The following LRRC37A3 variants were observed in gnomAD, a reference collection of about 807,000 sequenced individuals.
LRRC37A3 encodes the protein leucine-rich repeat-containing protein 37A3.
In LRRC37A3, 25 loss-of-function variants were observed where a neutral mutation model predicts 106.2. That is an observed-to-expected ratio of 0.24 (90% confidence interval 0.17 to 0.33). The LOEUF (loss-of-function observed/expected upper bound fraction) is 0.33, where lower values mean the gene tolerates loss of function less well. Ranked by LOEUF, LRRC37A3 falls within the 10% of genes least tolerant of loss-of-function variation. The pLI is 1.00. For synonymous variants in LRRC37A3, 305 were observed against 635.8 expected, an observed-to-expected ratio of 0.48 and a Z score of 7.83; for missense variants, 712 against 1,644.9, an observed-to-expected ratio of 0.43 and a Z score of 9.81.
chr17:64,877,481 C>T (rs1973552992), intron 8 of LRRC37A3, among the ~76,000 whole-genome samples: 2 of 152,148 alleles, frequency 1.3e-5, no homozygotes, highest in South Asian at 4.1e-4. Flanking sequence ...GGATTACAGG[C>T]ATGAGCCACT....
intron 14 of LRRC37A3, among the ~76,000 whole-genome samples, chr17:64,855,018 G>A (rs963582824): frequency 3.3e-5 from 5 of 152,142 alleles, no homozygotes; most frequent in African/African-American, 1.2e-4. Context: ...AGTATTTTTA[G>A]TAGAGATGGG....
At chr17:64,856,179 T>TC (rs1031305054) in intron 13 of LRRC37A3, among the ~76,000 whole-genome samples, 14 of 151,976 alleles carry the variant, frequency 9.2e-5, no homozygotes, top group African/African-American at 3.1e-4. Context: ...CCAACACGCA[T>TC]CCCCCCTATA....
At position 64,860,527 on chromosome 17, in the gene LRRC37A3, C is replaced by T. The variant is rs114569935; in HGVS notation, c.3619G>A (p.Gly1207Arg). The T allele has an allele frequency of 1.2e-3, 1,966 of 1,612,818 alleles. 30 individuals are homozygous for T. In the African/African-American group the frequency reaches 0.022, roughly 18 times the overall value. ...TTCAGCTCCCTTGGGGCTGGACTTC[C>T]GAGCCTTTTTTCTTCGGCAGTGTTC... ...VENTAEEKRL[G>R]SPAPRELKQP... The change falls in exon 12 of 15, where the codon GGA becomes AGA. Residue 1207 changes from glycine to arginine, a missense_variant. Coordinates refer to ENST00000584306, the MANE Select transcript of LRRC37A3 (RefSeq NM_199340.5).
At position 64,859,461 on chromosome 17, in the gene LRRC37A3, T is replaced by C. The variant is rs1972793579; in HGVS notation, c.4685A>G (p.Gln1562Arg). 1 of 1,608,934 alleles carries C rather than the reference T, an allele frequency of 6.2e-7. No individual in the cohort carries two copies. The highest frequency in any genetic ancestry group is 2.2e-5 in the East Asian group (1 of 44,826). Residue 1562 changes from glutamine (Q) to arginine (R), a missense_variant, in exon 12 of 15, where the codon CAG becomes CGG. Transcript: ENST00000584306. Reference sequence around the variant, plus strand: ...CCTCACCTCAAGCGACTTCTCTTTCTGTTCACTCTGGGCTTCTGTGCTCTC... The same window carrying C: ...CCTCACCTCAAGCGACTTCTCTTTCCGTTCACTCTGGGCTTCTGTGCTCTC... The part of the protein sequence containing the change: ...INESTEAQSE[Q>R]KEKSLEFTKE...
Position 64,871,946 on chromosome 17 carries a change from A to G in LRRC37A3, c.2907-2780T>C, listed in dbSNP as rs1973329191. Among the ~76,000 whole-genome samples, 3 of 152,142 alleles carry G rather than the reference A, an allele frequency of 2.0e-5. No homozygotes were observed. The South Asian group carries it at 6.2e-4, about 32-fold the overall frequency. On this transcript the variant is annotated intron_variant, in intron 8 of 14. Transcript: ENST00000584306. ...CAGGGGATCGAGACCATCCTGGCTA[A>G]CAAGGCGAAACCCCGTCTGTACTAA...
intron 8 of LRRC37A3, 94 bp from the exon 9 acceptor site, chr17:64,869,260 G>T: frequency 6.3e-7 from 1 of 1,575,242 alleles, no homozygotes; most frequent in East Asian, 2.3e-5. Context: ...GAACTTGTAG[G>T]TAAAAAAGAA....
chr17:64,917,692 C>T (rs1202004583), intron 2 of LRRC37A3, among the ~76,000 whole-genome samples: 2 of 152,178 alleles, frequency 1.3e-5, no homozygotes, highest in African/African-American at 2.4e-5. Flanking sequence ...ACAGGCCGGG[C>T]GCGATGGCTC....
At chr17:64,899,459 A>G (rs1974240960) in intron 2 of LRRC37A3, among the ~76,000 whole-genome samples, 1 of 141,390 alleles carries the variant, frequency 7.1e-6, no homozygotes, top group East Asian at 2.1e-4. Context: ...TGGTATACCT[A>G]TATAGGGATA....
intron 10 of LRRC37A3, among the ~76,000 whole-genome samples, chr17:64,863,828 T>A (rs1311325074): frequency 2.0e-5 from 3 of 152,166 alleles, no homozygotes; most frequent in Non-Finnish European, 4.4e-5. Context: ...TTTTTATTTT[T>A]ATTTTTATTT....
In LRRC37A3 at chr17:64,859,679, A is replaced by G. The variant is rs745597443; in HGVS notation, c.4467T>C (p.Asn1489=). The stretch of plus-strand genomic sequence containing the variant: ...TAACATGAGCAATGAGCCTTCTCAC[A>G]TTGTTGTTGGGGATAACGGACTGCA... ...QQLQSVIPNN[N]VRRLIAHVIR... The change falls in exon 12 of 15, where the codon AAT becomes AAC. Residue 1489 remains asparagine (N), a synonymous_variant. Coordinates refer to ENST00000584306, the MANE Select transcript of LRRC37A3 (RefSeq NM_199340.5). 9.9e-6 allele frequency: 16 copies of G among 1,613,632 alleles called. No individual in the cohort carries two copies. The African/African-American group carries it at 1.7e-4, about 18-fold the overall frequency.
chr17:64,880,601 A>C (rs1479913068), intron 8 of LRRC37A3, among the ~76,000 whole-genome samples: 1 of 152,350 alleles, frequency 6.6e-6, no homozygotes, highest in East Asian at 1.9e-4. Context: ...TTTCAGCCTC[A>C]AAGACTGTCT....
rs1974761222 is a variant in LRRC37A3, at chr17:64,918,752, G to C, written c.-498C>G. The C allele has an allele frequency of 2.2e-6, 1 of 461,100 alleles. No homozygotes were observed. The highest frequency in any genetic ancestry group is 2.3e-5 in the South Asian group (1 of 44,018). The allele number at this position is 461,100 out of a possible 1,614,324, so 28.6% of individuals were successfully genotyped here. A position where few individuals can be genotyped will look rare whatever the true frequency, so the allele number is the denominator to read the frequency against. ...TTGTAAAAAATACATACATATACCT[G>C]TGCCAGGTGCAGTGGCTCACGCCTA... is the stretch of plus-strand genomic sequence containing the variant. On this transcript the variant is annotated splice_region_variant and 5_prime_UTR_variant, in exon 2 of 15. Coordinates refer to ENST00000584306, the MANE Select transcript of LRRC37A3 (RefSeq NM_199340.5).
At chr17:64,863,210 T>C in intron 10 of LRRC37A3, 192 bp from the exon 11 acceptor site, 1 of 645,556 alleles carries the variant, frequency 1.5e-6, no homozygotes, top group Non-Finnish European at 2.8e-6. Context: ...AGCATGGCAG[T>C]GAGTATGGTA....
intron 8 of LRRC37A3, among the ~76,000 whole-genome samples, chr17:64,873,809 T>A (rs1973405646): frequency 6.6e-6 from 1 of 152,114 alleles, no homozygotes. Flanking sequence ...GAACACATCA[T>A]CAAGCTTACT....
chr17:64,877,437 G>C lies in LRRC37A3; in HGVS notation c.2907-8271C>G, dbSNP rs369849984. ...GGCTGGTCTCTAACTCCTGACCTCA[G>C]GCGATCTGCCTGCCTCAGCCTCCCA... is the stretch of plus-strand genomic sequence containing the variant. On this transcript the variant is annotated intron_variant, in intron 8 of 14. Coordinates refer to ENST00000584306, the MANE Select transcript of LRRC37A3 (RefSeq NM_199340.5). Among the ~76,000 whole-genome samples the C allele has an allele frequency of 8.5e-5, 13 of 152,166 alleles. No homozygotes were observed. The East Asian group carries it at 2.3e-3, about 27-fold the overall frequency.
At chr17:64,919,183 G>A (rs1974774204) in intron 1 of LRRC37A3, among the ~76,000 whole-genome samples, 1 of 151,752 alleles carries the variant, frequency 6.6e-6, no homozygotes, top group Non-Finnish European at 1.5e-5. Flanking sequence ...GGCGGCGGCG[G>A]CGGCGGGGCC....
At chr17:64,861,407 G>C (rs1285094539) in intron 11 of LRRC37A3, among the ~76,000 whole-genome samples, 1 of 152,186 alleles carries the variant, frequency 6.6e-6, no homozygotes, top group Non-Finnish European at 1.5e-5. Context: ...CTGTGTTCTT[G>C]CTACCATCAC....
At chr17:64,854,756 G>T (rs1364230496) in intron 14 of LRRC37A3, 112 bp from the exon 15 acceptor site, 2 of 1,611,754 alleles carry the variant, frequency 1.2e-6, no homozygotes, top group East Asian at 2.2e-5. Flanking sequence ...TTTACCCAGG[G>T]TCCCTGTTGA....
At chr17:64,873,683 C>T (rs1169271427) in intron 8 of LRRC37A3, among the ~76,000 whole-genome samples, 5 of 150,204 alleles carry the variant, frequency 3.3e-5, no homozygotes, top group Non-Finnish European at 7.4e-5. Flanking sequence ...CTCAATGGCA[C>T]ATTACAGCAG....
Sources: gnomAD v4.1 joint callset for allele counts (sites outside exome capture counted in the v4.1 genomes callset) on GRCh38, gnomAD v4.1.1 for gene constraint, MANE v1.5 for transcripts, NCBI Gene and HGNC (gene_info 2026-07-23, HGNC 2026-07-21) for gene names.